Variants in MGAT4A observed in about 807,000 individuals in gnomAD.
MGAT4A encodes alpha-1,3-mannosyl-glycoprotein 4-beta-N-acetylglucosaminyltransferase A.
In MGAT4A, 33 loss-of-function variants were observed where a neutral mutation model predicts 74.1. The ratio of observed to expected loss-of-function variants is 0.45; its 90% confidence interval spans 0.34 to 0.60. MGAT4A has a LOEUF of 0.60. Ranked by LOEUF, MGAT4A falls within the 20% of genes least tolerant of loss-of-function variation. The pLI is 0.02. For missense variants in MGAT4A, 479 were observed against 628.3 expected (o/e 0.76, Z 2.54); for synonymous variants, 198 against 210.4 (o/e 0.94, Z 0.51).
chr2:98,662,113 A>C (rs976564706), intron 5 of MGAT4A, among the ~76,000 whole-genome samples: 4 of 152,200 alleles, frequency 2.6e-5, no homozygotes, highest in African/African-American at 4.8e-5. Flanking sequence ...ACCCAGGCGG[A>C]AAAACAGGAA....
rs10207862 is a variant in MGAT4A at position 98,645,684 on chromosome 2, G to T, written c.775-142C>A. 2.3e-4 allele frequency: 161 copies of T among 689,230 alleles called. No individual in the cohort carries two copies. The African/African-American group carries it at 2.8e-3, about 12-fold the overall frequency. The allele number at this position is 689,230 out of a possible 1,614,324, so 42.7% of individuals were successfully genotyped here. A position where few individuals can be genotyped will look rare whatever the true frequency, so the allele number is the denominator to read the frequency against. On this transcript the variant is annotated intron_variant, in intron 8 of 15. Transcript: ENST00000393487. Reference sequence around the variant, plus strand: ...TAAAAACAATAAAAATATAAAGCTAGATATTATTAAAAGAAAGTGAAGAAA... The same window carrying T: ...TAAAAACAATAAAAATATAAAGCTATATATTATTAAAAGAAAGTGAAGAAA...
At chr2:98,717,917 G>C (rs1702613967) in intron 2 of MGAT4A, among the ~76,000 whole-genome samples, 1 of 152,204 alleles carries the variant, frequency 6.6e-6, no homozygotes, top group Non-Finnish European at 1.5e-5. Flanking sequence ...CCAAGTCCTA[G>C]ACTTAGTATT....
At chr2:98,632,423 G>A (rs1274388378) in intron 14 of MGAT4A, among the ~76,000 whole-genome samples, 5 of 152,138 alleles carry the variant, frequency 3.3e-5, no homozygotes. Context: ...CACGCCAAGA[G>A]GGCTCTTACT....
intron 2 of MGAT4A, among the ~76,000 whole-genome samples, chr2:98,683,143 A>G (rs1702086752): frequency 6.6e-6 from 1 of 152,162 alleles, no homozygotes; most frequent in African/African-American, 2.4e-5. Context: ...AAGACGTGTC[A>G]AGGTCATCAA....
chr2:98,681,083 C>T (rs1389142140), intron 2 of MGAT4A, among the ~76,000 whole-genome samples: 1 of 152,152 alleles, frequency 6.6e-6, no homozygotes, highest in Non-Finnish European at 1.5e-5. Context: ...CCCGGGTTCA[C>T]ACCATTCTCC....
At chr2:98,705,339 A>G (rs2104318619) in intron 2 of MGAT4A, among the ~76,000 whole-genome samples, 1 of 152,222 alleles carries the variant, frequency 6.6e-6, no homozygotes, top group East Asian at 1.9e-4. Context: ...ATTCACCAGC[A>G]TGCCTAAACG....
At position 98,658,133 on chromosome 2, in the gene MGAT4A, C is replaced by T. The variant is rs1349937661; in HGVS notation, c.584+85G>A. ...TGAACTCCACAGAGAAATGAACTAT[C>T]AAGGAAGGCATTTTCTTTTAGCAAG... On this transcript the variant is annotated intron_variant, in intron 6 of 15. Transcript: ENST00000393487. 17 of 836,772 alleles carry T rather than the reference C, an allele frequency of 2.0e-5. No homozygotes were observed. In the Admixed American group the frequency reaches 3.9e-4, roughly 19 times the overall value. The allele number at this position is 836,772 out of a possible 1,614,324, so 51.8% of individuals were successfully genotyped here. A position where few individuals can be genotyped will look rare whatever the true frequency, so the allele number is the denominator to read the frequency against.
At chr2:98,655,387 A>G (rs1377467286) in intron 8 of MGAT4A, 58 bp downstream of exon 8, 12 of 1,310,838 alleles carry the variant, frequency 9.2e-6, no homozygotes, top group South Asian at 1.3e-5. Flanking sequence ...ATGAAAACAT[A>G]CCCTTGATAA....
intron 2 of MGAT4A, among the ~76,000 whole-genome samples, chr2:98,691,510 A>AT (rs1702194052): frequency 6.6e-6 from 1 of 152,186 alleles, no homozygotes; most frequent in South Asian, 2.1e-4. Flanking sequence ...TTGTAACAGC[A>AT]TAACACAATG....
At position 98,624,459 on chromosome 2, in the gene MGAT4A, G is replaced by A; in HGVS notation, c.*1107C>T. On this transcript the variant is annotated 3_prime_UTR_variant, in exon 16 of 16. Transcript: ENST00000393487. ...TCTTGGACACGGGACTCACTTATCA[G>A]TTCATACTACAATAAAATCATTTTG... The A allele has an allele frequency of 1.0e-6, 1 of 968,974 alleles. No individual in the cohort carries two copies. The highest frequency in any genetic ancestry group is 1.2e-6 in the Non-Finnish European group (1 of 815,088). The allele number at this position is 968,974 out of a possible 1,614,324, so 60.0% of individuals were successfully genotyped here.
intron 2 of MGAT4A, chr2:98,726,034 T>C: frequency 2.1e-6 from 1 of 475,710 alleles, no homozygotes; most frequent in Non-Finnish European, 3.7e-6. Flanking sequence ...TATAAGAAAC[T>C]GAAAACAAAA....
chr2:98,715,774 T>C (rs1211761875), intron 2 of MGAT4A, among the ~76,000 whole-genome samples: 6 of 152,190 alleles, frequency 3.9e-5, no homozygotes, highest in Non-Finnish European at 7.3e-5. Flanking sequence ...ACTTGTACCT[T>C]TGAACTTAAA....
intron 2 of MGAT4A, among the ~76,000 whole-genome samples, chr2:98,700,529 A>G (rs1223941270): frequency 1.3e-5 from 2 of 152,042 alleles, no homozygotes; most frequent in Non-Finnish European, 2.9e-5. Context: ...ATATCAATCA[A>G]CATTTACCAT....
At chr2:98,697,281 A>G (rs912928673) in intron 2 of MGAT4A, among the ~76,000 whole-genome samples, 1 of 152,220 alleles carries the variant, frequency 6.6e-6, no homozygotes, top group African/African-American at 2.4e-5. Flanking sequence ...GTCACGCAGA[A>G]TAAAAAATTC....
At chr2:98,686,910 A>G (rs1353515221) in intron 2 of MGAT4A, among the ~76,000 whole-genome samples, 2 of 152,182 alleles carry the variant, frequency 1.3e-5, no homozygotes, top group Non-Finnish European at 2.9e-5. Context: ...TAATAATAAA[A>G]TGAGGAACTA....
chr2:98,659,945 A>G (rs1373419322), intron 5 of MGAT4A, among the ~76,000 whole-genome samples: 1 of 140,482 alleles, frequency 7.1e-6, no homozygotes, highest in East Asian at 2.2e-4. Flanking sequence ...AAGACTGTCA[A>G]AGCACTTAAT....
rs986534511 is a variant in MGAT4A at position 98,620,534 on chromosome 2, C to A, written c.*5032G>T. 1.3e-5 allele frequency: 2 copies of A among 152,256 alleles called. No homozygotes were observed. The highest frequency in any genetic ancestry group is 4.8e-5 in the African/African-American group (2 of 41,560). The allele number at this position is 152,256 out of a possible 1,614,324, so 9.4% of individuals were successfully genotyped here. Reference sequence around the variant, plus strand: ...TAATGGACAAACCAAAATAAAACTTCATTAGCTATTAATGGCTTGGAAGCA... The same window carrying A: ...TAATGGACAAACCAAAATAAAACTTAATTAGCTATTAATGGCTTGGAAGCA... On this transcript the variant is annotated 3_prime_UTR_variant, in exon 16 of 16. Coordinates refer to ENST00000393487, the MANE Select transcript of MGAT4A (RefSeq NM_012214.3).
chr2:98,662,970 T>C, intron 5 of MGAT4A, 76 bp downstream of exon 5: 3 of 1,162,422 alleles, frequency 2.6e-6, no homozygotes, highest in Non-Finnish European at 2.3e-6. Flanking sequence ...TTTAAAAGCA[T>C]ATTCAAATAT....
intron 12 of MGAT4A, 30 bp from the exon 13 acceptor site, chr2:98,636,625 C>T (rs1329327655): frequency 6.4e-7 from 1 of 1,572,748 alleles, no homozygotes; most frequent in South Asian, 1.1e-5. Flanking sequence ...AATAAAAACA[C>T]AAGTCGGGCT....
Sources: gnomAD v4.1 joint callset for allele counts (sites outside exome capture counted in the v4.1 genomes callset) on GRCh38, gnomAD v4.1.1 for gene constraint, MANE v1.5 for transcripts, NCBI Gene and HGNC (gene_info 2026-07-23, HGNC 2026-07-21) for gene names.